The following SERPINA12 variants were observed in gnomAD, a reference collection of about 807,000 sequenced individuals.
SERPINA12 encodes the protein serpin A12.
SERPINA12 carries 21 observed loss-of-function variants against 25.9 expected under a neutral mutation model. The ratio of observed to expected loss-of-function variants is 0.81; its 90% confidence interval spans 0.58 to 1.17. SERPINA12 has a LOEUF of 1.17. Among genes scored for constraint, SERPINA12 ranks in the 50% most tolerant of loss-of-function variants. SERPINA12 has a pLI of 0.00. For synonymous variants in SERPINA12, 220 were observed against 196.0 expected (o/e 1.12, Z -1.02); for missense variants, 562 against 508.3 (o/e 1.11, Z -1.02).
chr14:94,502,447 A>T (rs1170143581), intron 1 of SERPINA12, among the ~76,000 whole-genome samples: 1 of 152,204 alleles, frequency 6.6e-6, no homozygotes, highest in African/African-American at 2.4e-5. Flanking sequence ...GTGAGCTGTG[A>T]CAGCAGACTC....
At chr14:94,501,344 G>A (rs1046039171) in intron 1 of SERPINA12, among the ~76,000 whole-genome samples, 3 of 152,110 alleles carry the variant, frequency 2.0e-5, no homozygotes, top group Non-Finnish European at 4.4e-5. Context: ...GGAGGAGGCC[G>A]GGCAGGGCAG....
At chr14:94,499,246 C>A (rs938528109) in intron 1 of SERPINA12, among the ~76,000 whole-genome samples, 1 of 152,180 alleles carries the variant, frequency 6.6e-6, no homozygotes, top group African/African-American at 2.4e-5. Flanking sequence ...CTTCCCTACA[C>A]CCTTCCCAGG....
chr14:94,517,594 T>G (rs1417692103), exon 1 of SERPINA12: 1 of 152,152 alleles, frequency 6.6e-6, no homozygotes, highest in Non-Finnish European at 1.5e-5. Flanking sequence ...TTAAAAAACC[T>G]CTCCCCACAT....
chr14:94,498,163 T>A lies in SERPINA12; in HGVS notation c.235A>T (p.Ile79Phe). The change falls in exon 2 of 5, where the codon ATC (isoleucine) becomes TTC (phenylalanine). Residue 79 changes from isoleucine to phenylalanine, a missense_variant. Physicochemically the swap from Ile to Phe is conservative, Grantham distance 21. Transcript: ENST00000677451. ...CACAGCATGGAGAAAGCTGTAGAGA[T>A]GCTCAAGGGGGATAGGAAGATGTTC... Reference protein sequence around the residue: ...GRNIFLSPLSISTAFSMLCLG... With the variant: ...GRNIFLSPLSFSTAFSMLCLG... The A allele has an allele frequency of 6.2e-7, 1 of 1,614,150 alleles. No individual in the cohort carries two copies. The highest frequency in any genetic ancestry group is 8.5e-7 in the Non-Finnish European group (1 of 1,180,040).
chr14:94,511,688 C>T, upstream of SERPINA12: 2 of 985,432 alleles, frequency 2.0e-6, no homozygotes, highest in Non-Finnish European at 2.4e-6. Context: ...TCCTTTCCTG[C>T]TTCCTTCCAA....
intron 1 of SERPINA12, among the ~76,000 whole-genome samples, chr14:94,500,595 TTGTTGGAA>T (rs1409972595): frequency 6.6e-6 from 1 of 152,116 alleles, no homozygotes; most frequent in African/African-American, 2.4e-5. Context: ...TCAAGACTGT[TTGTTGGAA>T]TGTTGGGGTG....
chr14:94,496,690 A>G (rs1566808833), intron 2 of SERPINA12, 47 bp from the exon 3 acceptor site: 12 of 1,558,176 alleles, frequency 7.7e-6, no homozygotes, highest in Non-Finnish European at 7.0e-6. Context: ...AAGGGAAAAA[A>G]GGTGACTAAA....
At chr14:94,492,523 G>A (rs1041409531) in intron 3 of SERPINA12, among the ~76,000 whole-genome samples, 1 of 152,196 alleles carries the variant, frequency 6.6e-6, no homozygotes, top group Admixed American at 6.5e-5. Flanking sequence ...GAGGTTTCAT[G>A]ATAGGAAAGA....
rs536842833 is a variant in SERPINA12 at position 94,498,351 on chromosome 14, G to A, written c.47C>T (p.Thr16Met). 203 of 1,614,114 alleles carry A rather than the reference G, an allele frequency of 1.3e-4. 3 individuals carry two copies. The South Asian group carries it at 1.5e-3, about 12-fold the overall frequency. The change falls in exon 2 of 5, where the codon ACG becomes ATG. Residue 16 changes from threonine (T) to methionine (M), a missense_variant. Thr to Met is a moderately conservative substitution (Grantham distance 81). Transcript: ENST00000677451. ...GCTCGGCTTTAGAAGACCTTTCACC[G>A]TGAGGAGAACAGCCAGAAAAATGGC... The part of the protein sequence containing the change: ...GLAIFLAVLL[T>M]VKGLLKPSFS...
At chr14:94,496,293 T>C (rs1900413488) in intron 3 of SERPINA12, 80 bp downstream of exon 3, 3 of 1,427,116 alleles carry the variant, frequency 2.1e-6, no homozygotes, top group Non-Finnish European at 2.0e-6. Context: ...GACTTGGCCA[T>C]GAGGTAAGAG....
Position 94,498,197 on chromosome 14 carries a change from G to A in SERPINA12, c.201C>T (p.Asn67=). 2 of 1,614,188 alleles carry A rather than the reference G, an allele frequency of 1.2e-6. No individual in the cohort carries two copies. Among genetic ancestry groups the A allele is most frequent in the Non-Finnish European group, 1.7e-6 (2 of 1,180,040 alleles). The part of the protein sequence containing the change: ...FKLLKKLAFY[N]PGRNIFLSPL... Reference sequence around the variant, plus strand: ...GGGATAGGAAGATGTTCCTGCCAGGGTTGTAAAAGGCCAGCTTCTTGAGCA... The same window carrying A: ...GGGATAGGAAGATGTTCCTGCCAGGATTGTAAAAGGCCAGCTTCTTGAGCA... Residue 67 remains asparagine (N), a synonymous_variant, in exon 2 of 5, where the codon AAC becomes AAT. Coordinates refer to ENST00000677451, the MANE Select transcript of SERPINA12 (RefSeq NM_001382267.1).
At chr14:94,508,836 G>A (rs749772470) in intron 1 of SERPINA12, among the ~76,000 whole-genome samples, 2 of 152,146 alleles carry the variant, frequency 1.3e-5, no homozygotes, top group Admixed American at 1.3e-4. Flanking sequence ...AACATTGTGG[G>A]TGGGGGCCAG....
At chr14:94,508,523 A>G (rs1029901305) in intron 1 of SERPINA12, among the ~76,000 whole-genome samples, 6 of 152,270 alleles carry the variant, frequency 3.9e-5, no homozygotes, top group African/African-American at 1.2e-4. Flanking sequence ...AATCATTTCA[A>G]AAATAAAATT....
At position 94,498,358 on chromosome 14, in the gene SERPINA12, G is replaced by A. The variant is rs201948770; in HGVS notation, c.40C>T (p.Leu14Phe). The change falls in exon 2 of 5, where the codon CTC (leucine) becomes TTC (phenylalanine). Residue 14 changes from leucine (L) to phenylalanine (F), a missense_variant. Physicochemically the swap from Leu to Phe is conservative, Grantham distance 22. Transcript: ENST00000677451. Reference protein sequence around the residue: ...TLGLAIFLAVLLTVKGLLKPS... With the variant: ...TLGLAIFLAVFLTVKGLLKPS... ...TTTAGAAGACCTTTCACCGTGAGGA[G>A]AACAGCCAGAAAAATGGCCAGGCCT... 1.9e-6 allele frequency: 3 copies of A among 1,613,992 alleles called. No homozygotes were observed. The African/African-American group carries it at 4.0e-5, about 22-fold the overall frequency.
At chr14:94,493,488 G>A (rs555349781) in intron 3 of SERPINA12, among the ~76,000 whole-genome samples, 1 of 152,156 alleles carries the variant, frequency 6.6e-6, no homozygotes, top group African/African-American at 2.4e-5. Context: ...CCAGAGGGAT[G>A]GGGGAGGCAG....
chr14:94,500,055 G>T (rs1900646732), intron 1 of SERPINA12, among the ~76,000 whole-genome samples: 1 of 152,154 alleles, frequency 6.6e-6, no homozygotes, highest in African/African-American at 2.4e-5. Context: ...GGCTCTTTCT[G>T]GTTGGCTGAA....
At position 94,498,169 on chromosome 14, in the gene SERPINA12, A is replaced by C; in HGVS notation, c.229T>G (p.Leu77Val). Reference protein sequence around the residue: ...NPGRNIFLSPLSISTAFSMLC... With the variant: ...NPGRNIFLSPVSISTAFSMLC... Reference sequence around the variant, plus strand: ...ATGGAGAAAGCTGTAGAGATGCTCAAGGGGGATAGGAAGATGTTCCTGCCA... The same window carrying C: ...ATGGAGAAAGCTGTAGAGATGCTCACGGGGGATAGGAAGATGTTCCTGCCA... Residue 77 changes from leucine (L) to valine (V), a missense_variant, in exon 2 of 5, where the codon TTG becomes GTG. Physicochemically the swap from Leu to Val is conservative, Grantham distance 32. Coordinates refer to ENST00000677451, the MANE Select transcript of SERPINA12 (RefSeq NM_001382267.1). The C allele has an allele frequency of 6.2e-7, 1 of 1,614,118 alleles. No individual in the cohort carries two copies. Among genetic ancestry groups the C allele is most frequent in the Non-Finnish European group, 8.5e-7 (1 of 1,180,028 alleles).
chr14:94,500,011 C>T (rs776896455), intron 1 of SERPINA12, among the ~76,000 whole-genome samples: 7 of 152,176 alleles, frequency 4.6e-5, no homozygotes, highest in Non-Finnish European at 8.8e-5. Flanking sequence ...GGGTCAGCCA[C>T]CAACGGGGTC....
At chr14:94,517,023 A>G (rs1482346986) in intron 1 of SERPINA12, among the ~76,000 whole-genome samples, 1 of 152,254 alleles carries the variant, frequency 6.6e-6, no homozygotes, top group Non-Finnish European at 1.5e-5. Flanking sequence ...GGGGAAAAGC[A>G]GTGAACTTGC....
Sources: allele counts gnomAD v4.1 joint callset (sites outside exome capture counted in the v4.1 genomes callset), GRCh38; gene constraint gnomAD v4.1.1; transcripts MANE v1.5; gene names NCBI Gene and HGNC (gene_info 2026-07-23, HGNC 2026-07-21).